VRK2: variants seen among roughly 807,000 people sequenced by gnomAD.
VRK2 encodes VRK serine/threonine kinase 2.
Under a neutral mutation model 57.6 loss-of-function variants are expected in VRK2, and 60 were observed. The observed-to-expected ratio is 1.04, with a 90% CI of 0.85 to 1.29. The LOEUF is 1.29. Among genes scored for constraint, VRK2 ranks in the 50% most tolerant of loss-of-function variants. The pLI is 0.00. For synonymous variants in VRK2, 231 were observed against 199.2 expected (o/e 1.16, Z -1.35); for missense variants, 705 against 588.1 (o/e 1.20, Z -2.06).
chr2:58,122,132 T>C (rs569965999), intron 7 of VRK2, among the ~76,000 whole-genome samples: 41 of 152,360 alleles, frequency 2.7e-4, no homozygotes, highest in African/African-American at 7.7e-4. Context: ...TGATGTTCCA[T>C]TCATAAATAC....
chr2:57,974,968 T>C (rs1322370805), intron 1 of VRK2, among the ~76,000 whole-genome samples: 4 of 151,636 alleles, frequency 2.6e-5, no homozygotes, highest in East Asian at 1.9e-4. Context: ...AGGTAGGCTA[T>C]ACAAATTGAT....
intron 1 of VRK2, among the ~76,000 whole-genome samples, chr2:57,951,116 C>T (rs1464148342): frequency 6.6e-6 from 1 of 151,900 alleles, no homozygotes; most frequent in Non-Finnish European, 1.5e-5. Flanking sequence ...AATAAATAAA[C>T]ATTGGTGATT....
intron 11 of VRK2, among the ~76,000 whole-genome samples, chr2:58,142,291 C>A (rs1681462460): frequency 6.6e-6 from 1 of 151,176 alleles, no homozygotes; most frequent in Non-Finnish European, 1.5e-5. Context: ...AAGAATCTCA[C>A]CAAACTTACA....
intron 9 of VRK2, among the ~76,000 whole-genome samples, chr2:58,134,647 C>G (rs1344117394): frequency 8.8e-5 from 13 of 148,442 alleles, no homozygotes; most frequent in African/African-American, 1.8e-4. Context: ...AGAATATGGA[C>G]AGGCTTTGCT....
intron 1 of VRK2, among the ~76,000 whole-genome samples, chr2:57,979,352 G>A (rs1485001108): frequency 6.6e-6 from 1 of 150,978 alleles, no homozygotes; most frequent in Non-Finnish European, 1.5e-5. Flanking sequence ...TTTACTAATC[G>A]CTGTTCTGAC....
At chr2:57,966,853 G>C (rs573760343) in intron 1 of VRK2, among the ~76,000 whole-genome samples, 2 of 152,212 alleles carry the variant, frequency 1.3e-5, no homozygotes, top group South Asian at 2.1e-4. Flanking sequence ...AATAAAAAGT[G>C]ACCCAAAAGA....
chr2:58,086,768 C>A (rs528616523), intron 5 of VRK2, among the ~76,000 whole-genome samples: 1 of 152,278 alleles, frequency 6.6e-6, no homozygotes, highest in African/African-American at 2.4e-5. Flanking sequence ...GGCCTTCTTA[C>A]TTCCTGATCA....
At chr2:57,957,509 A>C (rs1228949575) in intron 1 of VRK2, among the ~76,000 whole-genome samples, 1 of 151,176 alleles carries the variant, frequency 6.6e-6, no homozygotes, top group African/African-American at 2.4e-5. Flanking sequence ...TTAAAATCTT[A>C]TGTTTTTTAT....
At chr2:58,040,694 G>A (rs569734333) in intron 3 of VRK2, among the ~76,000 whole-genome samples, 1 of 152,334 alleles carries the variant, frequency 6.6e-6, no homozygotes, top group East Asian at 1.9e-4. Flanking sequence ...GAAGAAGGCA[G>A]CTAGCAACAT....
chr2:57,946,320 T>C (rs951024935), intron 1 of VRK2, among the ~76,000 whole-genome samples: 2 of 152,000 alleles, frequency 1.3e-5, no homozygotes, highest in Admixed American at 1.3e-4. Flanking sequence ...CTGTCTCCTC[T>C]GTTTTTTTTT....
chr2:58,042,590 G>T (rs1674503172), upstream of VRK2, among the ~76,000 whole-genome samples: 1 of 152,022 alleles, frequency 6.6e-6, no homozygotes, highest in Admixed American at 6.6e-5. Flanking sequence ...AATGATCTTG[G>T]CCTTGTAAAG....
At chr2:57,973,609 C>T (rs1240307555) in intron 1 of VRK2, among the ~76,000 whole-genome samples, 1 of 151,726 alleles carries the variant, frequency 6.6e-6, no homozygotes, top group African/African-American at 2.4e-5. Context: ...AATTATCTAG[C>T]AGCACTGTCA....
At chr2:58,075,253 C>T (rs865968359) in intron 2 of VRK2, among the ~76,000 whole-genome samples, 1 of 151,990 alleles carries the variant, frequency 6.6e-6, no homozygotes, top group African/African-American at 2.4e-5. Context: ...TGTAGTATTC[C>T]GTAGTGTATA....
intron 7 of VRK2, among the ~76,000 whole-genome samples, chr2:58,104,518 G>A (rs1348990500): frequency 1.3e-5 from 2 of 151,718 alleles, no homozygotes; most frequent in African/African-American, 4.8e-5. Context: ...GAAAGTGAAA[G>A]ATCTCTACAA....
upstream of VRK2, among the ~76,000 whole-genome samples, chr2:58,043,855 A>C (rs527952471): frequency 6.6e-6 from 1 of 152,238 alleles, no homozygotes; most frequent in African/African-American, 2.4e-5. Flanking sequence ...AGAGAGTTCC[A>C]AGTTGTTCCA....
Position 58,159,476 on chromosome 2 carries a change from C to G in VRK2, c.1310C>G (p.Thr437Ser). 6.2e-7 allele frequency: 1 copy of G among 1,613,674 alleles called. No individual in the cohort carries two copies. The highest frequency in any genetic ancestry group is 8.5e-7 in the Non-Finnish European group (1 of 1,179,748). ...TTTTATGAGCCTCATCAAGATTTTA[C>G]CAGTCCAGATATATTCAAGAAGTCA... is the stretch of plus-strand genomic sequence containing the variant. ...NSFYEPHQDFTSPDIFKKSRS... is the reference protein window; with the variant it reads ...NSFYEPHQDFSSPDIFKKSRS... Residue 437 changes from threonine to serine, a missense_variant, in exon 13 of 13, where the codon ACC becomes AGC. Physicochemically the swap from Thr to Ser is moderately conservative, Grantham distance 58. Coordinates refer to ENST00000340157, the MANE Select transcript of VRK2 (RefSeq NM_006296.7).
chr2:57,976,185 T>C (rs1672247122), intron 1 of VRK2, among the ~76,000 whole-genome samples: 1 of 152,152 alleles, frequency 6.6e-6, no homozygotes, highest in South Asian at 2.1e-4. Flanking sequence ...GCTGATTCTA[T>C]ATCTTCACTA....
chr2:58,056,836 A>G (rs902872634), intron 2 of VRK2, among the ~76,000 whole-genome samples: 3 of 152,188 alleles, frequency 2.0e-5, no homozygotes, highest in African/African-American at 7.2e-5. Flanking sequence ...AGCAACAGCC[A>G]AACAGCAGAA....
intron 7 of VRK2, among the ~76,000 whole-genome samples, chr2:58,096,557 C>T (rs1673162300): frequency 6.6e-6 from 1 of 151,890 alleles, no homozygotes; most frequent in African/African-American, 2.4e-5. Flanking sequence ...TTTCGTACTT[C>T]AGTGATTGTT....
Sources: gnomAD v4.1 joint callset for allele counts (sites outside exome capture counted in the v4.1 genomes callset) on GRCh38, gnomAD v4.1.1 for gene constraint, MANE v1.5 for transcripts, NCBI Gene and HGNC (gene_info 2026-07-23, HGNC 2026-07-21) for gene names.